Variants in SDK1 observed in about 807,000 individuals in gnomAD.
The protein encoded by SDK1 is protein sidekick-1.
Under a neutral mutation model 245.5 loss-of-function variants are expected in SDK1, and 157 were observed. The observed-to-expected ratio is 0.64, with a 90% confidence interval of 0.56 to 0.73. The LOEUF (loss-of-function observed/expected upper bound fraction) is 0.73. Among genes scored for constraint, SDK1 ranks in the 30% least tolerant of loss-of-function variants. The probability of loss-of-function intolerance (pLI) is 0.00; values close to 1 mark genes in which losing one functional copy is unlikely to be tolerated. For missense variants in SDK1, 3,583 were observed against 3,002.3 expected (o/e 1.19, Z -4.52); for synonymous variants, 1,647 against 1,278.5 (o/e 1.29, Z -6.15).
chr7:3,718,924 C>T (rs1243769686), intron 4 of SDK1, among the ~76,000 whole-genome samples: 47 of 152,318 alleles, frequency 3.1e-4, no homozygotes, highest in Non-Finnish European at 4.4e-5. Flanking sequence ...TTCCAGCAAG[C>T]TTGCAGTATA....
intron 4 of SDK1, among the ~76,000 whole-genome samples, chr7:3,746,988 C>G (rs141241896): frequency 6.6e-5 from 10 of 152,334 alleles, no homozygotes; most frequent in African/African-American, 2.2e-4. Context: ...TATAGACTTA[C>G]AAAATGCATT....
At chr7:3,450,524 G>A (rs937081276) in intron 1 of SDK1, among the ~76,000 whole-genome samples, 1 of 152,154 alleles carries the variant, frequency 6.6e-6, no homozygotes, top group African/African-American at 2.4e-5. Context: ...AGGATGATAC[G>A]TAGATTTCTA....
At chr7:3,687,499 G>T (rs779729325) in intron 4 of SDK1, among the ~76,000 whole-genome samples, 3 of 152,140 alleles carry the variant, frequency 2.0e-5, no homozygotes, top group East Asian at 1.9e-4. Flanking sequence ...AACAGATATC[G>T]AACCGCAGTC....
rs938990246 is a variant in SDK1, at chr7:4,159,362, G to A, written c.4729+811G>A. ...CCCTTGGCCTCAGGGACCAGCAGAGGGTTTGAGCAAACCATTCCCGGCTTC... is the reference window on the plus strand; with the variant it reads ...CCCTTGGCCTCAGGGACCAGCAGAGAGTTTGAGCAAACCATTCCCGGCTTC... On this transcript the variant is annotated intron_variant, in intron 31 of 44. Transcript: ENST00000404826. Among the ~76,000 whole-genome samples, 3 of 152,294 alleles carry A rather than the reference G, an allele frequency of 2.0e-5. No homozygotes were observed. In the South Asian group the frequency reaches 6.2e-4, roughly 32 times the overall value.
At chr7:3,503,527 A>T (rs894319130) in intron 1 of SDK1, among the ~76,000 whole-genome samples, 2 of 152,146 alleles carry the variant, frequency 1.3e-5, no homozygotes, top group South Asian at 4.1e-4. Context: ...AAAGTTAAAA[A>T]ATTAGCCAGT....
chr7:3,606,264 A>T lies in SDK1; in HGVS notation c.299-12816A>T, dbSNP rs1216380214. ...GCTTCACCCTTAGGCCCCAGGTCTG[A>T]TCAACCATTGCCACCTTTACTGCAA... On this transcript the variant is annotated intron_variant, in intron 1 of 44. Coordinates refer to ENST00000404826, the MANE Select transcript of SDK1 (RefSeq NM_152744.4). 2.6e-5 allele frequency among the ~76,000 whole-genome samples: 4 copies of T among 152,236 alleles called. No individual in the cohort carries two copies. In the East Asian group the frequency reaches 7.7e-4, roughly 29 times the overall value.
At chr7:3,832,019 C>G (rs1277465774) in intron 5 of SDK1, among the ~76,000 whole-genome samples, 3 of 152,126 alleles carry the variant, frequency 2.0e-5, no homozygotes, top group Non-Finnish European at 4.4e-5. Flanking sequence ...CCACTGTACT[C>G]CAGCCTGGGC....
intron 2 of SDK1, among the ~76,000 whole-genome samples, chr7:3,638,221 G>C (rs1782530182): frequency 1.3e-5 from 2 of 152,174 alleles, no homozygotes; most frequent in African/African-American, 4.8e-5. Flanking sequence ...TGGGGAGACA[G>C]GTATCAGTGC....
Position 3,843,441 on chromosome 7 carries a change from T to A in SDK1, c.847+21858T>A, listed in dbSNP as rs1780205758. Among the ~76,000 whole-genome samples the A allele has an allele frequency of 2.0e-5, 3 of 152,210 alleles. No homozygotes were observed. The South Asian group carries it at 6.2e-4, about 31-fold the overall frequency. On this transcript the variant is annotated intron_variant, in intron 5 of 44. Transcript: ENST00000404826. Reference sequence around the variant, plus strand: ...TTACTATGGAGAAGAAATTGTTACATTCCTATCACCCGCAAAATAGGACTT... The same window carrying A: ...TTACTATGGAGAAGAAATTGTTACAATCCTATCACCCGCAAAATAGGACTT...
At chr7:3,636,103 C>G (rs1477762944) in intron 2 of SDK1, among the ~76,000 whole-genome samples, 1 of 152,170 alleles carries the variant, frequency 6.6e-6, no homozygotes, top group African/African-American at 2.4e-5. Context: ...ATGTATACAG[C>G]TTGATGAGTT....
chr7:3,542,676 C>G (rs575523523), intron 1 of SDK1, among the ~76,000 whole-genome samples: 2 of 152,126 alleles, frequency 1.3e-5, no homozygotes, highest in African/African-American at 4.8e-5. Flanking sequence ...TAACTATTGG[C>G]TATGCCTTAC....
intron 1 of SDK1, among the ~76,000 whole-genome samples, chr7:3,543,618 A>T (rs1462395616): frequency 2.6e-5 from 4 of 152,194 alleles, no homozygotes; most frequent in Non-Finnish European, 5.9e-5. Context: ...TGAGAAAAAA[A>T]GTTTGGAATG....
chr7:4,082,138 A>G (rs1472862702), intron 22 of SDK1, among the ~76,000 whole-genome samples: 1 of 152,064 alleles, frequency 6.6e-6, no homozygotes, highest in Non-Finnish European at 1.5e-5. Context: ...GGAGGGGGCC[A>G]CCTGAGGAGG....
At chr7:3,309,813 T>C (rs1779507829) in intron 1 of SDK1, among the ~76,000 whole-genome samples, 1 of 152,226 alleles carries the variant, frequency 6.6e-6, no homozygotes, top group African/African-American at 2.4e-5. Flanking sequence ...ATTTTTACTC[T>C]ATGTAGAATT....
chr7:3,589,905 A>C (rs1204204556), intron 1 of SDK1, among the ~76,000 whole-genome samples: 1 of 152,228 alleles, frequency 6.6e-6, no homozygotes, highest in Admixed American at 6.5e-5. Context: ...AGTAATAAGC[A>C]ATAACAGATG....
chr7:3,508,261 A>G (rs898291273), intron 1 of SDK1, among the ~76,000 whole-genome samples: 2 of 150,174 alleles, frequency 1.3e-5, no homozygotes, highest in African/African-American at 2.4e-5. Flanking sequence ...TCTCAAAAGT[A>G]TGCCCCAAAT....
intron 1 of SDK1, among the ~76,000 whole-genome samples, chr7:3,533,019 A>G (rs1169206263): frequency 1.3e-5 from 2 of 152,210 alleles, no homozygotes; most frequent in Non-Finnish European, 2.9e-5. Context: ...AATAAGTACC[A>G]ATGAGTAGAA....
intron 16 of SDK1, among the ~76,000 whole-genome samples, chr7:4,013,951 C>T (rs1786182415): frequency 6.6e-6 from 1 of 152,240 alleles, no homozygotes. Context: ...GCCTGACCAC[C>T]TCCGCTCCAG....
chr7:3,990,883 G>T (rs1784251840), intron 14 of SDK1, among the ~76,000 whole-genome samples: 1 of 152,210 alleles, frequency 6.6e-6, no homozygotes, highest in Non-Finnish European at 1.5e-5. Context: ...GGCATGACTG[G>T]CTCCTCCAGC....
Sources: allele counts gnomAD v4.1 joint callset (sites outside exome capture counted in the v4.1 genomes callset), GRCh38; gene constraint gnomAD v4.1.1; transcripts MANE v1.5; gene names NCBI Gene and HGNC (gene_info 2026-07-23, HGNC 2026-07-21).